The following ADGB variants were observed in gnomAD, a reference collection of about 807,000 sequenced individuals.
The protein encoded by ADGB is calpain-7-like protein.
In ADGB, 172 loss-of-function variants were observed where a neutral mutation model predicts 210.5. That is an observed-to-expected ratio of 0.82 (90% CI 0.72 to 0.93). ADGB has a LOEUF of 0.93. ADGB is among the 40% of genes least tolerant of loss of function. The probability of loss-of-function intolerance (pLI) is 0.00; values close to 1 mark genes in which losing one functional copy is unlikely to be tolerated. For missense variants in ADGB, 2,025 were observed against 1,964.8 expected (o/e 1.03, Z -0.58); for synonymous variants, 658 against 662.7 (o/e 0.99, Z 0.11).
At chr6:146,664,368 A>T in intron 6 of ADGB, 28 bp downstream of exon 6, 1 of 1,515,864 alleles carries the variant, frequency 6.6e-7, no homozygotes. Flanking sequence ...CACTCACATG[A>T]ATAAAAAAAG....
chr6:146,722,895 C>G (rs894919482), intron 17 of ADGB, among the ~76,000 whole-genome samples: 12 of 152,176 alleles, frequency 7.9e-5, no homozygotes, highest in African/African-American at 2.9e-4. Context: ...CACGCACACA[C>G]AGGCACACAC....
intron 33 of ADGB, among the ~76,000 whole-genome samples, chr6:146,793,684 A>G (rs1428550625): frequency 6.6e-6 from 1 of 152,206 alleles, no homozygotes; most frequent in African/African-American, 2.4e-5. Flanking sequence ...TGGTAACTAG[A>G]AAGGGGAGAA....
At chr6:146,713,451 G>A (rs1340440127) in intron 13 of ADGB, among the ~76,000 whole-genome samples, 1 of 152,116 alleles carries the variant, frequency 6.6e-6, no homozygotes, top group Non-Finnish European at 1.5e-5. Flanking sequence ...GCATGAAATG[G>A]TGTCTCATTG....
At chr6:146,618,785 G>A (rs1780841506) in intron 1 of ADGB, among the ~76,000 whole-genome samples, 1 of 151,982 alleles carries the variant, frequency 6.6e-6, no homozygotes, top group Admixed American at 6.6e-5. Context: ...GTCTGTCCTG[G>A]AGAATGTTTC....
intron 8 of ADGB, among the ~76,000 whole-genome samples, chr6:146,673,272 T>C (rs1428063536): frequency 2.0e-5 from 3 of 152,250 alleles, no homozygotes; most frequent in Non-Finnish European, 1.5e-5. Flanking sequence ...GTTGTAAGAG[T>C]GTGTCCCTTG....
chr6:146,698,680 T>A (rs1476590928), intron 12 of ADGB, among the ~76,000 whole-genome samples: 2 of 152,170 alleles, frequency 1.3e-5, no homozygotes, highest in Non-Finnish European at 2.9e-5. Context: ...TTCCTGCTAC[T>A]TTCGTTTTAA....
chr6:146,614,195 C>T (rs9390400), intron 1 of ADGB, among the ~76,000 whole-genome samples: 48,579 of 109,236 alleles, frequency 0.44, 9,686 homozygotes, highest in Admixed American at 0.56. Context: ...CTCCCTCCCT[C>T]CCTCCCTTCC....
At chr6:146,663,164 TTATTATA>T (rs980449726) in intron 5 of ADGB, among the ~76,000 whole-genome samples, 2 of 141,380 alleles carry the variant, frequency 1.4e-5, no homozygotes, top group East Asian at 2.0e-4. Flanking sequence ...TAATATATAT[TTATTATA>T]TATTATATAT....
In ADGB at chr6:146,690,543, C is replaced by T. The variant is rs73589845; in HGVS notation, c.1312-573C>T. On this transcript the variant is annotated intron_variant, in intron 10 of 35. Coordinates refer to ENST00000397944, the MANE Select transcript of ADGB (RefSeq NM_024694.4). The stretch of plus-strand genomic sequence containing the variant: ...TTATTCTGAATTATTCCAAAGCAGA[C>T]TGGCTTCAGGAGATCTAACACTAGA... 9.9e-3 allele frequency among the ~76,000 whole-genome samples: 1,500 copies of T among 152,244 alleles called. 22 individuals carry two copies. Among genetic ancestry groups the T allele is most frequent in the African/African-American group, 0.032 (1,318 of 41,538 alleles).
intron 35 of ADGB, among the ~76,000 whole-genome samples, chr6:146,811,820 TGCCACCACGCCTG>T (rs1778307110): frequency 1.3e-5 from 2 of 151,954 alleles, no homozygotes; most frequent in Admixed American, 1.3e-4. Flanking sequence ...TACAGGTGTG[TGCCACCACGCCTG>T]GCTAATTTTT....
At chr6:146,747,552 T>C (rs1777257465) in intron 26 of ADGB, among the ~76,000 whole-genome samples, 1 of 152,090 alleles carries the variant, frequency 6.6e-6, no homozygotes, top group Non-Finnish European at 1.5e-5. Flanking sequence ...TTGTTTTGTT[T>C]GCAAAGTTGG....
At chr6:146,724,499 T>C in intron 18 of ADGB, 172 bp downstream of exon 18, 1 of 578,610 alleles carries the variant, frequency 1.7e-6, no homozygotes, top group Non-Finnish European at 2.8e-6. Context: ...AAAAACTACA[T>C]TGAGAAATAC....
intron 27 of ADGB, among the ~76,000 whole-genome samples, chr6:146,762,702 T>C (rs1460349283): frequency 6.6e-6 from 1 of 152,130 alleles, no homozygotes; most frequent in Non-Finnish European, 1.5e-5. Flanking sequence ...GGTCCTGAGC[T>C]TAGTAAGTCA....
chr6:146,681,916 T>G (rs1165407450), intron 9 of ADGB, among the ~76,000 whole-genome samples: 2 of 152,124 alleles, frequency 1.3e-5, no homozygotes, highest in Admixed American at 6.6e-5. Context: ...AATTGTGTAG[T>G]GGACATGTTA....
intron 33 of ADGB, among the ~76,000 whole-genome samples, chr6:146,794,984 T>G (rs1489771061): frequency 7.4e-6 from 1 of 135,954 alleles, no homozygotes; most frequent in African/African-American, 2.6e-5. Context: ...ATCAAGGAGT[T>G]TAAGAGAAAT....
At chr6:146,761,504 G>A (rs147738662) in intron 27 of ADGB, among the ~76,000 whole-genome samples, 51 of 152,094 alleles carry the variant, frequency 3.4e-4, no homozygotes, top group African/African-American at 1.2e-3. Context: ...ATTGGATTTG[G>A]ATTGCACTGA....
At chr6:146,661,481 G>T (rs749347929) in intron 5 of ADGB, among the ~76,000 whole-genome samples, 1 of 151,792 alleles carries the variant, frequency 6.6e-6, no homozygotes, top group South Asian at 2.1e-4. Flanking sequence ...GCCTCCCAAA[G>T]TGTTGGGATT....
chr6:146,807,581 A>G (rs1362406776), intron 35 of ADGB: 1 of 1,537,438 alleles, frequency 6.5e-7, no homozygotes, highest in African/African-American at 1.4e-5. Context: ...AAGGAAAGAA[A>G]AAGTAACCAG....
At chr6:146,795,336 C>T (rs926557390) in intron 33 of ADGB, among the ~76,000 whole-genome samples, 2 of 152,036 alleles carry the variant, frequency 1.3e-5, no homozygotes, top group African/African-American at 2.4e-5. Flanking sequence ...AGCTTCTGCA[C>T]AGTAAAGGAA....
Sources: allele counts gnomAD v4.1 joint callset (sites outside exome capture counted in the v4.1 genomes callset), GRCh38; gene constraint gnomAD v4.1.1; transcripts MANE v1.5; gene names NCBI Gene and HGNC (gene_info 2026-07-23, HGNC 2026-07-21).